Variants in ITGA9 observed in about 807,000 individuals in gnomAD.
ITGA9 encodes the protein integrin alpha-9.
Under a neutral mutation model 127.8 loss-of-function variants are expected in ITGA9, and 56 were observed. That is an observed-to-expected ratio of 0.44 (90% confidence interval 0.35 to 0.55). The LOEUF is 0.55. ITGA9 is among the 20% of genes least tolerant of loss of function. ITGA9 has a pLI of 0.00. For synonymous variants in ITGA9, 508 were observed against 514.5 expected (o/e 0.99, Z 0.17); for missense variants, 1,196 against 1,347.1 (o/e 0.89, Z 1.76).
intron 26 of ITGA9, among the ~76,000 whole-genome samples, chr3:37,787,761 C>T (rs902699738): frequency 1.3e-5 from 2 of 152,200 alleles, no homozygotes; most frequent in African/African-American, 4.8e-5. Flanking sequence ...TAGAGCCTCG[C>T]CACCAAATTT....
Position 37,741,759 on chromosome 3 carries a change from AT to A in ITGA9, c.2265del (p.His755GlnfsTer7). On this transcript the variant is annotated frameshift_variant, in exon 21 of 28. Coordinates refer to ENST00000264741, the MANE Select transcript of ITGA9 (RefSeq NM_002207.3). LOFTEE classifies it high-confidence loss of function. The stretch of plus-strand genomic sequence containing the variant: ...AACACGGAGCGCTCTGAATCCCTGC[AT>A]GACAACACCCTCGTGCTGATGGTGC... ...SGNTERSESL[H>X]DNTLVLMVPL... is the part of the protein sequence containing the mutation. The A allele has an allele frequency of 6.2e-7, 1 of 1,613,896 alleles. No homozygotes were observed. The highest frequency in any genetic ancestry group is 8.5e-7 in the Non-Finnish European group (1 of 1,179,906).
chr3:37,588,141 G>T (rs746510278), intron 15 of ITGA9, among the ~76,000 whole-genome samples: 1 of 152,200 alleles, frequency 6.6e-6, no homozygotes, highest in Non-Finnish European at 1.5e-5. Flanking sequence ...TCCACTTAGC[G>T]AATATCTAAA....
intron 14 of ITGA9, among the ~76,000 whole-genome samples, chr3:37,536,344 C>A (rs1377631008): frequency 1.3e-5 from 2 of 152,262 alleles, no homozygotes; most frequent in Non-Finnish European, 2.9e-5. Context: ...CCAGGCACCT[C>A]TCAATGTCTG....
chr3:37,702,067 G>A (rs1001107232), intron 18 of ITGA9, among the ~76,000 whole-genome samples: 2 of 152,144 alleles, frequency 1.3e-5, no homozygotes, highest in East Asian at 3.9e-4. Flanking sequence ...TAGCATTGGA[G>A]GAGCCTGTTT....
At chr3:37,487,943 C>T (rs900359119) in intron 4 of ITGA9, among the ~76,000 whole-genome samples, 2 of 152,164 alleles carry the variant, frequency 1.3e-5, no homozygotes, top group Middle Eastern at 3.4e-3. Flanking sequence ...TAGACAAGTC[C>T]CAGTAGGTAC....
intron 16 of ITGA9, among the ~76,000 whole-genome samples, chr3:37,633,079 A>G (rs757217496): frequency 6.6e-6 from 1 of 152,220 alleles, no homozygotes; most frequent in African/African-American, 2.4e-5. Context: ...AAATCCCAGG[A>G]TGATAACTGC....
chr3:37,793,968 A>G (rs754529206), intron 26 of ITGA9, among the ~76,000 whole-genome samples: 24 of 152,206 alleles, frequency 1.6e-4, no homozygotes, highest in Non-Finnish European at 2.8e-4. Flanking sequence ...GAGGGGACCC[A>G]AAAGGATCTG....
intron 15 of ITGA9, among the ~76,000 whole-genome samples, chr3:37,593,208 C>G (rs1345433412): frequency 6.6e-6 from 1 of 152,164 alleles, no homozygotes; most frequent in East Asian, 1.9e-4. Context: ...TACATATATC[C>G]TCCTGTATAC....
chr3:37,818,884 C>T lies in ITGA9; in HGVS notation c.3010-7C>T. On this transcript the variant is annotated splice_polypyrimidine_tract_variant and splice_region_variant and intron_variant, in intron 27 of 27. Transcript: ENST00000264741. Reference sequence around the variant, plus strand: ...TAACTCAGCTTCTCTTTCTTTCTGCCTTTCAGATGGGCTTCTTTCGCCGAA... The same window carrying T: ...TAACTCAGCTTCTCTTTCTTTCTGCTTTTCAGATGGGCTTCTTTCGCCGAA... The T allele has an allele frequency of 6.2e-7, 1 of 1,608,890 alleles. No individual in the cohort carries two copies. The highest frequency in any genetic ancestry group is 8.5e-7 in the Non-Finnish European group (1 of 1,175,284).
At chr3:37,767,861 C>T (rs2125545736) in intron 23 of ITGA9, among the ~76,000 whole-genome samples, 1 of 152,236 alleles carries the variant, frequency 6.6e-6, no homozygotes. Context: ...ATTGAAAACT[C>T]CTCATTACCT....
chr3:37,462,351 T>G (rs1698324493), intron 1 of ITGA9, among the ~76,000 whole-genome samples: 1 of 152,248 alleles, frequency 6.6e-6, no homozygotes. Flanking sequence ...TTATGTGGTG[T>G]GGATTGTACT....
At chr3:37,687,913 G>C (rs7630135) in intron 18 of ITGA9, among the ~76,000 whole-genome samples, 2 of 151,978 alleles carry the variant, frequency 1.3e-5, no homozygotes, top group African/African-American at 2.4e-5. Flanking sequence ...ACAGGAAGGC[G>C]TGCATTTATA....
chr3:37,589,459 G>A (rs1699792323), intron 15 of ITGA9, among the ~76,000 whole-genome samples: 1 of 152,210 alleles, frequency 6.6e-6, no homozygotes, highest in Non-Finnish European at 1.5e-5. Context: ...TTAACATGGA[G>A]ATATAGAACA....
intron 15 of ITGA9, among the ~76,000 whole-genome samples, chr3:37,543,479 A>G (rs1699296475): frequency 1.3e-5 from 2 of 152,236 alleles, no homozygotes; most frequent in Non-Finnish European, 2.9e-5. Context: ...TCAGGATTAA[A>G]CATTACACAA....
chr3:37,641,069 C>A (rs1166058353), intron 16 of ITGA9, among the ~76,000 whole-genome samples: 1 of 152,134 alleles, frequency 6.6e-6, no homozygotes, highest in African/African-American at 2.4e-5. Context: ...CCCGTCTCTG[C>A]AGGCCCGTGG....
chr3:37,712,799 G>A (rs1042490583), intron 18 of ITGA9, among the ~76,000 whole-genome samples: 19 of 152,186 alleles, frequency 1.2e-4, no homozygotes, highest in African/African-American at 2.4e-5. Context: ...AGCCTGGGTC[G>A]CATGCCCACC....
chr3:37,803,214 G>A (rs1227948977), intron 26 of ITGA9, among the ~76,000 whole-genome samples: 1 of 152,232 alleles, frequency 6.6e-6, no homozygotes, highest in Non-Finnish European at 1.5e-5. Context: ...TCTGAATCAA[G>A]AACATAGTGT....
At chr3:37,736,683 C>T (rs771595953) in intron 19 of ITGA9, among the ~76,000 whole-genome samples, 11 of 152,116 alleles carry the variant, frequency 7.2e-5, no homozygotes, top group East Asian at 1.9e-4. Context: ...AGGAGAGCCT[C>T]GGTGGCGGAA....
intron 14 of ITGA9, among the ~76,000 whole-genome samples, chr3:37,536,218 G>A (rs999605492): frequency 1.3e-5 from 2 of 152,230 alleles, no homozygotes; most frequent in African/African-American, 4.8e-5. Context: ...CCACAGCTGA[G>A]ACACTGGGTT....
Sources: gnomAD v4.1 joint callset for allele counts (sites outside exome capture counted in the v4.1 genomes callset) on GRCh38, gnomAD v4.1.1 for gene constraint, MANE v1.5 for transcripts, NCBI Gene and HGNC (gene_info 2026-07-23, HGNC 2026-07-21) for gene names.